RAPGEF4: variants seen among roughly 807,000 people sequenced by gnomAD.
RAPGEF4 encodes Rap guanine nucleotide exchange factor 4, also known as RAP guanine-nucleotide-exchange factor (GEF) 4.
In RAPGEF4, 66 loss-of-function variants were observed where a neutral mutation model predicts 147.9. That is an observed-to-expected ratio of 0.45 (90% CI 0.37 to 0.55). The LOEUF (loss-of-function observed/expected upper bound fraction) is 0.55. Ranked by LOEUF, RAPGEF4 falls within the 20% of genes least tolerant of loss-of-function variation. RAPGEF4 has a pLI of 0.00. For missense variants in RAPGEF4, 1,071 were observed against 1,257.3 expected (o/e 0.85, Z 2.24); for synonymous variants, 419 against 442.7 (o/e 0.95, Z 0.67).
chr2:172,858,331 A>G (rs1015346243), intron 4 of RAPGEF4, among the ~76,000 whole-genome samples: 1 of 152,148 alleles, frequency 6.6e-6, no homozygotes, highest in Non-Finnish European at 1.5e-5. Flanking sequence ...TGATTTTGTC[A>G]TAGTTCATAA....
At chr2:172,891,904 G>A (rs184620092) in intron 4 of RAPGEF4, among the ~76,000 whole-genome samples, 3 of 152,310 alleles carry the variant, frequency 2.0e-5, no homozygotes, top group East Asian at 1.9e-4. Context: ...CATTATCAAA[G>A]CCCAAGAGAG....
At chr2:172,852,574 T>C (rs984129628) in intron 4 of RAPGEF4, among the ~76,000 whole-genome samples, 2 of 152,136 alleles carry the variant, frequency 1.3e-5, no homozygotes, top group African/African-American at 4.8e-5. Context: ...AATCATGTTA[T>C]GTGCCAATAA....
At chr2:173,032,965 A>T (rs954299091) in intron 26 of RAPGEF4, among the ~76,000 whole-genome samples, 7 of 152,200 alleles carry the variant, frequency 4.6e-5, no homozygotes, top group Non-Finnish European at 8.8e-5. Context: ...CGTATCACAC[A>T]GCTCTATCTT....
At chr2:172,813,601 C>T (rs1164722253) in intron 3 of RAPGEF4, among the ~76,000 whole-genome samples, 1 of 140,522 alleles carries the variant, frequency 7.1e-6, no homozygotes, top group African/African-American at 2.7e-5. Context: ...GTAGATCCAC[C>T]ACTCTGACCC....
chr2:172,993,634 CAG>C (rs1427303781), intron 15 of RAPGEF4, among the ~76,000 whole-genome samples: 6 of 150,002 alleles, frequency 4.0e-5, no homozygotes, highest in Non-Finnish European at 7.4e-5. Context: ...TCATTTTAAA[CAG>C]AGGCCAAGCA....
chr2:172,819,684 C>G (rs1245664819), intron 4 of RAPGEF4, among the ~76,000 whole-genome samples: 1 of 151,826 alleles, frequency 6.6e-6, no homozygotes, highest in Non-Finnish European at 1.5e-5. Context: ...CCAGGATGGT[C>G]TCGATCTCCT....
chr2:173,023,503 A>C (rs1384202668), intron 23 of RAPGEF4, among the ~76,000 whole-genome samples: 1 of 152,122 alleles, frequency 6.6e-6, no homozygotes, highest in Admixed American at 6.5e-5. Context: ...CCCACTTCTA[A>C]GGGAGAAGCA....
At chr2:172,991,026 G>A (rs1692780100) in intron 15 of RAPGEF4, 101 bp downstream of exon 15, 2 of 869,038 alleles carry the variant, frequency 2.3e-6, no homozygotes, top group Admixed American at 4.5e-5. Context: ...TGTGGAAGAT[G>A]GCAGTGTATG....
intron 4 of RAPGEF4, among the ~76,000 whole-genome samples, chr2:172,826,666 C>T (rs1057043329): frequency 6.6e-6 from 1 of 152,152 alleles, no homozygotes; most frequent in African/African-American, 2.4e-5. Flanking sequence ...AAGGCATTCA[C>T]TTATTTAAAA....
intron 1 of RAPGEF4, among the ~76,000 whole-genome samples, chr2:172,755,264 A>G (rs187136510): frequency 6.6e-6 from 1 of 152,336 alleles, no homozygotes; most frequent in East Asian, 1.9e-4. Flanking sequence ...CCCTTTAGGT[A>G]AGATTAAATG....
At chr2:172,748,564 C>T (rs1694983101) in intron 1 of RAPGEF4, among the ~76,000 whole-genome samples, 1 of 152,114 alleles carries the variant, frequency 6.6e-6, no homozygotes, top group Non-Finnish European at 1.5e-5. Context: ...CCCACCGGGT[C>T]CCCTCCCACA....
chr2:172,927,975 C>T (rs1402258363), intron 6 of RAPGEF4, among the ~76,000 whole-genome samples: 1 of 152,210 alleles, frequency 6.6e-6, no homozygotes, highest in Non-Finnish European at 1.5e-5. Flanking sequence ...CTTGAGCCAT[C>T]TTGTCCTGAT....
At chr2:172,885,172 C>T (rs1055709243) in intron 4 of RAPGEF4, among the ~76,000 whole-genome samples, 1 of 152,260 alleles carries the variant, frequency 6.6e-6, no homozygotes, top group Non-Finnish European at 1.5e-5. Context: ...GCCCCAGCTT[C>T]TGCATCCCTC....
At chr2:172,990,085 C>A (rs1284350481) in intron 14 of RAPGEF4, among the ~76,000 whole-genome samples, 2 of 147,498 alleles carry the variant, frequency 1.4e-5, no homozygotes, top group Non-Finnish European at 1.5e-5. Flanking sequence ...TAAAAAAATA[C>A]CAGATGGAAT....
At chr2:172,919,122 C>A (rs1032426243) in intron 5 of RAPGEF4, among the ~76,000 whole-genome samples, 2 of 152,112 alleles carry the variant, frequency 1.3e-5, no homozygotes, top group African/African-American at 4.8e-5. Flanking sequence ...GGATGGCTGG[C>A]TAATTAAAGC....
intron 8 of RAPGEF4, among the ~76,000 whole-genome samples, chr2:172,961,785 T>A (rs920732963): frequency 3.9e-5 from 6 of 152,230 alleles, no homozygotes; most frequent in African/African-American, 1.4e-4. Context: ...AGTCATTGAT[T>A]TATTCACAAG....
intron 1 of RAPGEF4, among the ~76,000 whole-genome samples, chr2:172,769,524 G>A (rs1574771487): frequency 1.3e-5 from 2 of 152,256 alleles, no homozygotes; most frequent in East Asian, 3.9e-4. Context: ...GATTCATACA[G>A]TTGAATATCT....
At chr2:172,907,028 A>C (rs1360639388) in intron 4 of RAPGEF4, among the ~76,000 whole-genome samples, 1 of 152,170 alleles carries the variant, frequency 6.6e-6, no homozygotes, top group Admixed American at 6.5e-5. Flanking sequence ...GCCAGGGCTC[A>C]AGGCTTGTTC....
intron 1 of RAPGEF4, among the ~76,000 whole-genome samples, chr2:172,747,447 G>GT (rs1262773274): frequency 2.0e-5 from 3 of 152,010 alleles, no homozygotes; most frequent in African/African-American, 7.2e-5. Flanking sequence ...TCTCCTGAAC[G>GT]TATTCATCTT....
Sources: allele counts gnomAD v4.1 joint callset (sites outside exome capture counted in the v4.1 genomes callset), GRCh38; gene constraint gnomAD v4.1.1; transcripts MANE v1.5; gene names NCBI Gene and HGNC (gene_info 2026-07-23, HGNC 2026-07-21).